Variants in PARP8 observed in about 807,000 individuals in gnomAD.
The protein encoded by PARP8 is protein mono-ADP-ribosyltransferase PARP8.
In PARP8, 51 loss-of-function variants were observed where a neutral mutation model predicts 124.1. That is an observed-to-expected ratio of 0.41 (90% confidence interval 0.33 to 0.52). The LOEUF (loss-of-function observed/expected upper bound fraction) is 0.52, where lower values mean the gene tolerates loss of function less well. Ranked by LOEUF, PARP8 falls within the 20% of genes least tolerant of loss-of-function variation. The probability of loss-of-function intolerance (pLI) is 0.21; values close to 1 mark genes in which losing one functional copy is unlikely to be tolerated. For missense variants in PARP8, 860 were observed against 1,018.9 expected (o/e 0.84, Z 2.12); for synonymous variants, 391 against 361.5 (o/e 1.08, Z -0.93).
At position 50,743,745 on chromosome 5, in the gene PARP8, CATAA is replaced by C. The variant is rs148163788; in HGVS notation, c.147-6384_147-6381del. 2.4e-4 allele frequency among the ~76,000 whole-genome samples: 37 copies of C among 151,300 alleles called. 1 individual carries two copies. In the East Asian group the frequency reaches 4.1e-3, roughly 17 times the overall value. Reference sequence around the variant, plus strand: ...ACAAAGTGAAACCTTGTCTCCAAAACATAAATAAATAAATAAATAAATAAAATTA... The same window carrying C: ...ACAAAGTGAAACCTTGTCTCCAAAACATAAATAAATAAATAAATAAAATTA... On this transcript the variant is annotated intron_variant, in intron 2 of 25. Transcript: ENST00000281631.
intron 14 of PARP8, among the ~76,000 whole-genome samples, chr5:50,801,284 A>G (rs1447085630): frequency 6.6e-6 from 1 of 152,010 alleles, no homozygotes; most frequent in Admixed American, 6.6e-5. Flanking sequence ...TTTTTATTAG[A>G]GACGGGGTTT....
chr5:50,763,522 T>G (rs774199867), intron 7 of PARP8, among the ~76,000 whole-genome samples: 26 of 152,110 alleles, frequency 1.7e-4, no homozygotes, highest in Admixed American at 4.6e-4. Flanking sequence ...TAGAATAGAT[T>G]TGGCCAGCTG....
chr5:50,746,417 A>C (rs1375461364), intron 2 of PARP8, among the ~76,000 whole-genome samples: 1 of 152,208 alleles, frequency 6.6e-6, no homozygotes, highest in East Asian at 1.9e-4. Flanking sequence ...CAAACTTTGC[A>C]CTAATGTCAG....
intron 2 of PARP8, among the ~76,000 whole-genome samples, chr5:50,691,013 A>T (rs954626444): frequency 6.6e-5 from 10 of 152,164 alleles, no homozygotes; most frequent in African/African-American, 2.4e-4. Flanking sequence ...TTCTTGCCAG[A>T]TACCTACAAC....
intron 2 of PARP8, among the ~76,000 whole-genome samples, chr5:50,682,363 C>T (rs1360505473): frequency 6.6e-6 from 1 of 152,028 alleles, no homozygotes; most frequent in Admixed American, 6.6e-5. Context: ...AGGACTTCTA[C>T]CAAGAACATG....
At chr5:50,716,545 C>T (rs1354775909) in intron 2 of PARP8, among the ~76,000 whole-genome samples, 2 of 152,058 alleles carry the variant, frequency 1.3e-5, no homozygotes, top group Non-Finnish European at 2.9e-5. Context: ...AGGCCCTTTT[C>T]TGTTGGAATC....
At chr5:50,761,928 G>C (rs1415104925) in intron 6 of PARP8, 30 bp downstream of exon 6, 2 of 1,414,032 alleles carry the variant, frequency 1.4e-6, no homozygotes, top group Non-Finnish European at 2.0e-6. Flanking sequence ...CAAATACCTA[G>C]TCTTAAAGTT....
intron 20 of PARP8, 111 bp from the exon 21 acceptor site, chr5:50,828,201 T>A (rs1165299418): frequency 1.7e-6 from 2 of 1,211,796 alleles, no homozygotes; most frequent in Non-Finnish European, 2.4e-6. Flanking sequence ...ACATAATACT[T>A]GATTTGGCAA....
chr5:50,747,806 T>G (rs1210588680), intron 2 of PARP8, among the ~76,000 whole-genome samples: 1 of 132,224 alleles, frequency 7.6e-6, no homozygotes, highest in Non-Finnish European at 1.6e-5. Flanking sequence ...GGAGTCTCGC[T>G]CTGTCGCCCA....
intron 2 of PARP8, among the ~76,000 whole-genome samples, chr5:50,733,516 T>C (rs1301685127): frequency 2.0e-5 from 3 of 152,192 alleles, no homozygotes; most frequent in Non-Finnish European, 2.9e-5. Flanking sequence ...ATTTATTGAC[T>C]TTAGCTAAAT....
At chr5:50,793,581 T>G (rs1742197364) in intron 10 of PARP8, among the ~76,000 whole-genome samples, 1 of 152,202 alleles carries the variant, frequency 6.6e-6, no homozygotes, top group South Asian at 2.1e-4. Flanking sequence ...GGATACCCAG[T>G]TTTTAAAATT....
chr5:50,796,175 C>A (rs1343568818), intron 12 of PARP8, among the ~76,000 whole-genome samples: 1 of 151,996 alleles, frequency 6.6e-6, no homozygotes, highest in Non-Finnish European at 1.5e-5. Context: ...AGTTTTGTTT[C>A]CTTTTGCTAA....
At chr5:50,771,101 CTCTA>C (rs1480979643) in intron 7 of PARP8, among the ~76,000 whole-genome samples, 6 of 149,098 alleles carry the variant, frequency 4.0e-5, no homozygotes, top group Non-Finnish European at 7.4e-5. Context: ...TGCTCTCTCT[CTCTA>C]TATATATATA....
intron 7 of PARP8, among the ~76,000 whole-genome samples, chr5:50,772,760 C>T (rs1382895722): frequency 6.6e-6 from 1 of 152,006 alleles, no homozygotes. Flanking sequence ...GCAGTAGTGC[C>T]ATCTTGGCTC....
intron 18 of PARP8, among the ~76,000 whole-genome samples, chr5:50,826,097 T>C (rs927028936): frequency 6.6e-6 from 1 of 152,164 alleles, no homozygotes; most frequent in Non-Finnish European, 1.5e-5. Flanking sequence ...TTTCTTTTTT[T>C]CCTTGTAGTC....
intron 15 of PARP8, among the ~76,000 whole-genome samples, chr5:50,820,236 CA>C (rs1037570350): frequency 1.3e-5 from 2 of 152,266 alleles, no homozygotes; most frequent in Admixed American, 1.3e-4. Flanking sequence ...GCAGGACAAT[CA>C]AAAATTGGCC....
At chr5:50,723,951 A>G (rs1756161176) in intron 2 of PARP8, among the ~76,000 whole-genome samples, 2 of 152,100 alleles carry the variant, frequency 1.3e-5, no homozygotes, top group African/African-American at 4.8e-5. Context: ...TCCAGGAGAA[A>G]TTATTCTCTT....
chr5:50,699,549 A>G (rs1166415922), intron 2 of PARP8, among the ~76,000 whole-genome samples: 7 of 152,184 alleles, frequency 4.6e-5, no homozygotes, highest in Non-Finnish European at 1.0e-4. Context: ...CTTCATTACC[A>G]TATTATCACT....
At chr5:50,768,035 T>C (rs1761227369) in intron 7 of PARP8, among the ~76,000 whole-genome samples, 1 of 150,066 alleles carries the variant, frequency 6.7e-6, no homozygotes, top group Admixed American at 6.7e-5. Flanking sequence ...GTGTGTGTGT[T>C]CCCTGACAGT....
Sources: allele counts gnomAD v4.1 joint callset (sites outside exome capture counted in the v4.1 genomes callset), GRCh38; gene constraint gnomAD v4.1.1; transcripts MANE v1.5; gene names NCBI Gene and HGNC (gene_info 2026-07-23, HGNC 2026-07-21).